PRKCSH: variants seen among roughly 807,000 people sequenced by gnomAD.
PRKCSH encodes the protein PRKCSH beta subunit of glucosidase II, also known as glucosidase 2 subunit beta.
PRKCSH carries 42 observed loss-of-function variants against 79.7 expected under a neutral mutation model. The ratio of observed to expected loss-of-function variants is 0.53; its 90% CI spans 0.41 to 0.68. PRKCSH has a LOEUF of 0.68. Ranked by LOEUF, PRKCSH falls within the 30% of genes least tolerant of loss-of-function variation. The probability of loss-of-function intolerance (pLI) is 0.00; values close to 1 mark genes in which losing one functional copy is unlikely to be tolerated. For missense variants in PRKCSH, 686 were observed against 709.0 expected (o/e 0.97, Z 0.37); for synonymous variants, 325 against 288.2 (o/e 1.13, Z -1.29).
intron 6 of PRKCSH, 89 bp downstream of exon 6, chr19:11,441,446 T>G: frequency 5.7e-6 from 7 of 1,219,476 alleles, no homozygotes; most frequent in Non-Finnish European, 8.5e-6. Flanking sequence ...GGTTTGCCCC[T>G]GACTGCTGTT....
intron 7 of PRKCSH, 28 bp from the exon 8 acceptor site, chr19:11,445,360 AG>A (rs1414948459): frequency 1.2e-6 from 2 of 1,610,106 alleles, no homozygotes; most frequent in South Asian, 1.1e-5. Flanking sequence ...GTGGGTGGGC[AG>A]GGGGTGACAG....
intron 5 of PRKCSH, among the ~76,000 whole-genome samples, chr19:11,438,754 C>CAAAAAAAAAGCA (rs1475258455): frequency 7.7e-5 from 5 of 64,772 alleles, no homozygotes; most frequent in African/African-American, 2.5e-4. Context: ...GACTCCGTCT[C>CAAAAAAAAAGCA]AAAAAAAAAG....
At position 11,448,021 on chromosome 19, in the gene PRKCSH, C is replaced by T. The variant is rs1384938986; in HGVS notation, c.1127-201C>T. The T allele has an allele frequency of 1.1e-5, 8 of 751,340 alleles. No homozygotes were observed. The East Asian group carries it at 1.9e-4, about 18-fold the overall frequency. 46.5% of individuals were successfully genotyped at this position (751,340 alleles called of 1,614,324 possible). A position where few individuals can be genotyped will look rare whatever the true frequency, so the allele number is the denominator to read the frequency against. On this transcript the variant is annotated intron_variant, in intron 12 of 17. Transcript: ENST00000677123. This position sits in a 1 kb window ranked among gnomAD's most constrained non-coding sequence, Gnocchi z 4.4. ...CGCAGCTTGTTTGTGTCACTCCTGG[C>T]CCCACTCGCTCAGGAGCTGGGAGCC...
At chr19:11,445,571 T>G in intron 8 of PRKCSH, 98 bp downstream of exon 8, 22 of 1,212,234 alleles carry the variant, frequency 1.8e-5, no homozygotes, top group Non-Finnish European at 2.5e-5. Flanking sequence ...CCTCCTTGGG[T>G]TCCCCCGGCG....
chr19:11,441,101 C>A, intron 5 of PRKCSH, 139 bp from the exon 6 acceptor site: 1 of 848,240 alleles, frequency 1.2e-6, no homozygotes. Flanking sequence ...GTTGAGAGAA[C>A]CTGGGAGGAA....
rs3217229 is a variant in PRKCSH at position 11,447,525 on chromosome 19, AGAGGAGGAGGAGGAGGAG to A, written c.951_968del (p.Glu320_Glu325del). On this transcript the variant is annotated inframe_deletion, in exon 11 of 18. Coordinates refer to ENST00000677123, the MANE Select transcript of PRKCSH (RefSeq NM_001289104.2). This position sits in a 1 kb window ranked among gnomAD's most constrained non-coding sequence, Gnocchi z 5.6. ...AGCCGCCAGTGCCCTCGTCGCCCAC[AGAGGAGGAGGAGGAGGAG>A]GAGGAGGAGGAGGAAGAAGAGGCTG... The A allele has an allele frequency of 7.4e-7, 1 of 1,349,884 alleles. No individual in the cohort carries two copies. Among genetic ancestry groups the A allele is most frequent in the Admixed American group, 2.1e-5 (1 of 47,696 alleles). 83.6% of individuals were successfully genotyped at this position (1,349,884 alleles called of 1,614,324 possible).
In PRKCSH at chr19:11,437,913, C is replaced by T. The variant is rs766897286; in HGVS notation, c.234C>T (p.Thr78=). ...AACPNGSFHC[T]NTGYKPLYIP... ...GTCCTAATGGCAGCTTCCACTGCAC[C>T]AACACTGGCTATAAGCCCCTGTATA... Residue 78 remains threonine (T), a synonymous_variant, in exon 4 of 18, where the codon ACC becomes ACT. Coordinates refer to ENST00000677123, the MANE Select transcript of PRKCSH (RefSeq NM_001289104.2). 2 of 1,614,064 alleles carry T rather than the reference C, an allele frequency of 1.2e-6. No homozygotes were observed. The highest frequency in any genetic ancestry group is 1.3e-5 in the African/African-American group (1 of 74,922).
rs1435711003 is a variant in PRKCSH at position 11,449,065 on chromosome 19, GTC to G, written c.1362-6_1362-5del. On this transcript the variant is annotated splice_polypyrimidine_tract_variant and intron_variant, in intron 15 of 17. Transcript: ENST00000677123. This position sits in a 1 kb window ranked among gnomAD's most constrained non-coding sequence, Gnocchi z 6.4. ...ACCGGCCCAGCCCTCAGCACCCTGTGTCTCTCACAGCACCTGGGGCTCATGGA... is the reference window on the plus strand; with the variant it reads ...ACCGGCCCAGCCCTCAGCACCCTGTGTCTCACAGCACCTGGGGCTCATGGA... 2 of 1,613,252 alleles carry G rather than the reference GTC, an allele frequency of 1.2e-6. No individual in the cohort carries two copies. Among genetic ancestry groups the G allele is most frequent in the African/African-American group, 1.3e-5 (1 of 74,922 alleles).
chr19:11,436,611 G>A, intron 3 of PRKCSH, 106 bp downstream of exon 3: 5 of 976,288 alleles, frequency 5.1e-6, no homozygotes, highest in South Asian at 4.2e-5. Context: ...CCCTTTGAGT[G>A]GGCAGAAACA....
rs1441836692 is a variant in PRKCSH at position 11,447,988 on chromosome 19, C to G, written c.1126+199C>G. The G allele has an allele frequency of 1.3e-6, 1 of 762,056 alleles. No homozygotes were observed. Among genetic ancestry groups the G allele is most frequent in the African/African-American group, 1.8e-5 (1 of 57,072 alleles). 47.2% of individuals were successfully genotyped at this position (762,056 alleles called of 1,614,324 possible). A position where few individuals can be genotyped will look rare whatever the true frequency, so the allele number is the denominator to read the frequency against. On this transcript the variant is annotated intron_variant, in intron 12 of 17. Coordinates refer to ENST00000677123, the MANE Select transcript of PRKCSH (RefSeq NM_001289104.2). This position sits in a 1 kb window ranked among gnomAD's most constrained non-coding sequence, Gnocchi z 5.6. ...AGCCCCAAGGGGCCCTTCTGCCTCC[C>G]CAAGGGCCGCAGCTTGTTTGTGTCA...
At chr19:11,436,687 C>T (rs1011999426) in intron 3 of PRKCSH, 182 bp downstream of exon 3, 3 of 607,616 alleles carry the variant, frequency 4.9e-6, no homozygotes, top group Non-Finnish European at 8.9e-6. Flanking sequence ...TCGTCCTCCT[C>T]CCAAGCCTCG....
chr19:11,446,339 G>A lies in PRKCSH; in HGVS notation c.751G>A (p.Ala251Thr), dbSNP rs147043213. 2 of 1,613,500 alleles carry A rather than the reference G, an allele frequency of 1.2e-6. No homozygotes were observed. Among genetic ancestry groups the A allele is most frequent in the Non-Finnish European group, 1.7e-6 (2 of 1,179,700 alleles). ...AGATGGGGATGGGGCGTTGTCAGAA[G>A]CGGAAGCTCAGGTACCCCCGGCTGC... ...DTDGDGALSE[A>T]EAQALLSGDT... Residue 251 changes from alanine (A) to threonine (T), a missense_variant, in exon 9 of 18, where the codon GCG becomes ACG. Ala to Thr is a moderately conservative substitution (Grantham distance 58). Coordinates refer to ENST00000677123, the MANE Select transcript of PRKCSH (RefSeq NM_001289104.2).
At chr19:11,450,125 T>A (rs1402255404) in intron 17 of PRKCSH, 1 of 151,748 alleles carries the variant, frequency 6.6e-6, no homozygotes, top group East Asian at 2.0e-4. Context: ...ATTACAGGCT[T>A]GAGCTACCAT....
At chr19:11,443,297 C>T (rs571015384) in intron 7 of PRKCSH, among the ~76,000 whole-genome samples, 1 of 152,170 alleles carries the variant, frequency 6.6e-6, no homozygotes, top group East Asian at 2.0e-4. Context: ...CCTGTAATCC[C>T]AGCACTTTGG....
chr19:11,446,127 G>T, intron 8 of PRKCSH, 145 bp from the exon 9 acceptor site: 2 of 787,892 alleles, frequency 2.5e-6, no homozygotes, highest in Non-Finnish European at 4.2e-6. Flanking sequence ...GGGGCAGGAG[G>T]GTGGGGAGGC....
chr19:11,441,115 T>C, intron 5 of PRKCSH, 125 bp from the exon 6 acceptor site: 1 of 926,646 alleles, frequency 1.1e-6, no homozygotes, highest in Non-Finnish European at 1.8e-6. Context: ...GGAGGAAGGC[T>C]TGCTCTCATC....
At chr19:11,442,806 A>G (rs1970124203) in intron 7 of PRKCSH, among the ~76,000 whole-genome samples, 1 of 152,148 alleles carries the variant, frequency 6.6e-6, no homozygotes, top group Non-Finnish European at 1.5e-5. Flanking sequence ...GGTTCAAGCA[A>G]TTCTTGTGCC....
At chr19:11,446,520 A>G (rs1159978395) in intron 9 of PRKCSH, among the ~76,000 whole-genome samples, 170 bp downstream of exon 9, 1 of 151,836 alleles carries the variant, frequency 6.6e-6, no homozygotes, top group African/African-American at 2.4e-5. Context: ...AGGACCCGGG[A>G]TGGAGCCAGG....
At chr19:11,445,356 G>A in intron 7 of PRKCSH, 33 bp from the exon 8 acceptor site, 2 of 1,608,276 alleles carry the variant, frequency 1.2e-6, no homozygotes, top group Non-Finnish European at 8.5e-7. Context: ...GCCGGTGGGT[G>A]GGCAGGGGGT....
Sources: gnomAD v4.1 joint callset for allele counts (sites outside exome capture counted in the v4.1 genomes callset) on GRCh38, gnomAD v4.1.1 for gene constraint, Gnocchi (gnomAD v3.1) non-coding constraint, MANE v1.5 for transcripts, NCBI Gene and HGNC (gene_info 2026-07-23, HGNC 2026-07-21) for gene names.